Variants in DBF4B observed in about 807,000 individuals in gnomAD.
DBF4B encodes the protein DBF4B-CDC7 kinase regulatory subunit.
DBF4B carries 49 observed loss-of-function variants against 53.4 expected under a neutral mutation model. That is an observed-to-expected ratio of 0.92 (90% confidence interval 0.73 to 1.16). DBF4B has a LOEUF of 1.16. DBF4B is among the 50% of genes most tolerant of loss of function. DBF4B has a pLI of 0.00. For missense variants in DBF4B, 692 were observed against 775.0 expected (o/e 0.89, Z 1.27); for synonymous variants, 257 against 288.7 (o/e 0.89, Z 1.11).
chr17:44,714,072 T>C (rs1973130396), intron 2 of DBF4B, among the ~76,000 whole-genome samples: 1 of 152,156 alleles, frequency 6.6e-6, no homozygotes, highest in South Asian at 2.1e-4. Context: ...AACTCAGGAA[T>C]GGAAAACCAA....
chr17:44,720,776 C>T (rs1200602810), intron 2 of DBF4B, among the ~76,000 whole-genome samples: 1 of 151,992 alleles, frequency 6.6e-6, no homozygotes, highest in African/African-American at 2.4e-5. Context: ...CATGGTTTTC[C>T]AATGTGACTG....
At chr17:44,720,617 T>A (rs930191750) in intron 2 of DBF4B, 3 of 155,536 alleles carry the variant, frequency 1.9e-5, no homozygotes, top group Non-Finnish European at 4.3e-5. Flanking sequence ...TGGGAAAGAC[T>A]CCACTTTTTG....
chr17:44,724,050 G>A (rs530186473), intron 3 of DBF4B, among the ~76,000 whole-genome samples: 3 of 152,208 alleles, frequency 2.0e-5, no homozygotes, highest in African/African-American at 7.2e-5. Flanking sequence ...ACAGTGAGCT[G>A]AAGTCGAGGT....
chr17:44,748,943 G>A (rs775509821), intron 13 of DBF4B: 1 of 1,289,942 alleles, frequency 7.8e-7, no homozygotes, highest in South Asian at 1.2e-5. Context: ...CCCACAGACA[G>A]ACCAGCAGAG....
At chr17:44,725,731 G>A (rs1413853250) in intron 3 of DBF4B, among the ~76,000 whole-genome samples, 2 of 122,596 alleles carry the variant, frequency 1.6e-5, no homozygotes, top group Non-Finnish European at 3.6e-5. Flanking sequence ...CAGTCACAGA[G>A]GCTAGAATGC....
At chr17:44,724,544 ATT>A (rs1453316058) in intron 3 of DBF4B, among the ~76,000 whole-genome samples, 2 of 151,916 alleles carry the variant, frequency 1.3e-5, no homozygotes, top group Admixed American at 6.6e-5. Context: ...CGCCCGGCTA[ATT>A]TTTTTTGTAT....
At chr17:44,726,290 T>TC (rs1974321115) in intron 3 of DBF4B, among the ~76,000 whole-genome samples, 2 of 135,886 alleles carry the variant, frequency 1.5e-5, no homozygotes, top group Admixed American at 1.6e-4. Context: ...CACCCGGCCC[T>TC]TTTTTATTTA....
At chr17:44,738,284 G>T in intron 8 of DBF4B, 95 bp from the exon 9 acceptor site, 1 of 1,366,686 alleles carries the variant, frequency 7.3e-7, no homozygotes, top group Non-Finnish European at 1.0e-6. Flanking sequence ...CTTAGGCTTT[G>T]GCAGAGCCTT....
intron 9 of DBF4B, among the ~76,000 whole-genome samples, chr17:44,738,873 G>A (rs1975723011): frequency 2.0e-5 from 3 of 152,180 alleles, no homozygotes; most frequent in Admixed American, 2.0e-4. Context: ...TCCCTTGTCA[G>A]GCCACCCTGT....
chr17:44,734,010 G>A (rs1975100540), intron 6 of DBF4B, 80 bp from the exon 7 acceptor site: 1 of 1,236,416 alleles, frequency 8.1e-7, no homozygotes. Flanking sequence ...AGCGAGTTTA[G>A]TCCTGCAGCC....
At position 44,709,195 on chromosome 17, in the gene DBF4B, C is replaced by T. The variant is rs7216469; in HGVS notation, c.20-109C>T. On this transcript the variant is annotated intron_variant, in intron 1 of 13. Transcript: ENST00000315005. ...CGGAATGGAGTTGAGTCTTGCTGTT[C>T]CCAGGAGTCGCGTTTCTGTGCGCGT... The T allele has an allele frequency of 3.8e-3, 5,366 of 1,403,448 alleles. 67 individuals carry two copies. The highest frequency in any genetic ancestry group is 0.032 in the African/African-American group (2,274 of 70,812). 86.9% of individuals were successfully genotyped at this position (1,403,448 alleles called of 1,614,324 possible). A position where few individuals can be genotyped will look rare whatever the true frequency, so the allele number is the denominator to read the frequency against.
At position 44,709,260 on chromosome 17, in the gene DBF4B, A is replaced by G. The variant is rs374982465; in HGVS notation, c.20-44A>G. The G allele has an allele frequency of 8.7e-6, 14 of 1,612,876 alleles. No homozygotes were observed. In the African/African-American group the frequency reaches 1.9e-4, roughly 22 times the overall value. On this transcript the variant is annotated intron_variant, in intron 1 of 13. Transcript: ENST00000315005. ...GTGGGCGGGAGGCATGGAAGTTCCAAGGGTTGGTGAAGATGGTTGAGTTGC... is the reference window on the plus strand; with the variant it reads ...GTGGGCGGGAGGCATGGAAGTTCCAGGGGTTGGTGAAGATGGTTGAGTTGC...
chr17:44,736,828 A>G lies in DBF4B; in HGVS notation c.631-2A>G. ...CTTAACCTATTTTTCCTTTCCATTT[A>G]GGGAACATGTCCAGCAGCAGAGTCA... On this transcript the variant is annotated splice_acceptor_variant, in intron 7 of 13. Coordinates refer to ENST00000315005, the MANE Select transcript of DBF4B (RefSeq NM_145663.3). LOFTEE classifies it high-confidence loss of function. The G allele has an allele frequency of 6.2e-7, 1 of 1,613,998 alleles. No homozygotes were observed. Among genetic ancestry groups the G allele is most frequent in the East Asian group, 2.2e-5 (1 of 44,878 alleles).
At chr17:44,750,196 C>T in intron 13 of DBF4B, 4 of 1,000,616 alleles carry the variant, frequency 4.0e-6, no homozygotes, top group Non-Finnish European at 4.8e-6. Context: ...CCATTTCTGG[C>T]AGCCAAGCCA....
At chr17:44,721,606 T>A (rs1973852738) in intron 2 of DBF4B, among the ~76,000 whole-genome samples, 1 of 152,042 alleles carries the variant, frequency 6.6e-6, no homozygotes, top group South Asian at 2.1e-4. Flanking sequence ...ACTTCAATGG[T>A]TTTTCTTTTT....
rs34958647 is a variant in DBF4B at position 44,733,164 on chromosome 17, C to CA, written c.557-909dup. 7.4e-3 allele frequency among the ~76,000 whole-genome samples: 778 copies of CA among 104,832 alleles called. 3 individuals carry two copies. The highest frequency in any genetic ancestry group is 0.022 in the Middle Eastern group (4 of 184). 68.8% of individuals were successfully genotyped at this position (104,832 alleles called of 152,430 possible). ...TGGGCGACAGAGCGAGACTCCGTCT[C>CA]AAAAAAAAAAAAAAAAATTCATGGC... On this transcript the variant is annotated intron_variant, in intron 6 of 13. Transcript: ENST00000315005.
intron 1 of DBF4B, 42 bp from the exon 2 acceptor site, chr17:44,709,262 G>C (rs11657247): frequency 0.096 from 154,778 of 1,613,144 alleles, 7,807 homozygotes; most frequent in East Asian, 0.13. Flanking sequence ...AAGTTCCAAG[G>C]GTTGGTGAAG....
intron 13 of DBF4B, chr17:44,750,237 C>T (rs1169120095): frequency 5.8e-6 from 6 of 1,029,546 alleles, no homozygotes; most frequent in Non-Finnish European, 5.8e-6. Context: ...GGTTTGCTAT[C>T]GATTCTCTGG....
chr17:44,732,367 G>A (rs1029881984), intron 6 of DBF4B, 102 bp downstream of exon 6: 25 of 1,253,632 alleles, frequency 2.0e-5, no homozygotes, highest in Middle Eastern at 2.0e-4. Flanking sequence ...TCTGGTCACC[G>A]GAAGCCAGAA....
Sources: gnomAD v4.1 joint callset for allele counts (sites outside exome capture counted in the v4.1 genomes callset) on GRCh38, gnomAD v4.1.1 for gene constraint, MANE v1.5 for transcripts, NCBI Gene and HGNC (gene_info 2026-07-23, HGNC 2026-07-21) for gene names.